The following KIAA1958 variants were observed in gnomAD, a reference collection of about 807,000 sequenced individuals.
KIAA1958 encodes the protein uncharacterized protein KIAA1958.
KIAA1958 carries 14 observed loss-of-function variants against 47.2 expected under a neutral mutation model. The observed-to-expected ratio is 0.30, with a 90% CI of 0.20 to 0.46. The LOEUF (loss-of-function observed/expected upper bound fraction) is 0.46, where lower values mean the gene tolerates loss of function less well. Among genes scored for constraint, KIAA1958 ranks in the 20% least tolerant of loss-of-function variants. The pLI is 1.00. For synonymous variants in KIAA1958, 354 were observed against 353.3 expected (o/e 1.00, Z -0.02); for missense variants, 803 against 909.2 (o/e 0.88, Z 1.50).
At chr9:112,612,538 A>G (rs1836343865) in intron 2 of KIAA1958, among the ~76,000 whole-genome samples, 1 of 152,042 alleles carries the variant, frequency 6.6e-6, no homozygotes, top group African/African-American at 2.4e-5. Flanking sequence ...AAATGAGAAA[A>G]TACAGATAAC....
At chr9:112,560,164 C>T (rs186575291) in intron 1 of KIAA1958, among the ~76,000 whole-genome samples, 1 of 148,608 alleles carries the variant, frequency 6.7e-6, no homozygotes, top group East Asian at 2.0e-4. Context: ...CTGGCCTGCA[C>T]TGATATTTTT....
At position 112,560,334 on chromosome 9, in the gene KIAA1958, A is replaced by G. The variant is rs145469397; in HGVS notation, c.-24-13723A>G. On this transcript the variant is annotated intron_variant, in intron 1 of 3. Coordinates refer to ENST00000337530, the MANE Select transcript of KIAA1958 (RefSeq NM_133465.4). ...TCCTCCCTCAGCCTCTCGAGTAGCT[A>G]GGACTACAGGTTCATGCCACTGCCT... 4.5e-3 allele frequency among the ~76,000 whole-genome samples: 683 copies of G among 151,336 alleles called. 2 individuals carry two copies. The highest frequency in any genetic ancestry group is 8.3e-3 in the Admixed American group (126 of 15,162).
At chr9:112,534,596 T>TGTG in intron 1 of KIAA1958, among the ~76,000 whole-genome samples, 1 of 151,884 alleles carries the variant, frequency 6.6e-6, no homozygotes, top group East Asian at 1.9e-4. Flanking sequence ...CAGGTTGGAG[T>TGTG]GTGGTGGCAT....
chr9:112,630,074 T>C (rs1836682123), intron 2 of KIAA1958, among the ~76,000 whole-genome samples: 1 of 152,214 alleles, frequency 6.6e-6, no homozygotes, highest in Non-Finnish European at 1.5e-5. Context: ...GCAGTGTTTC[T>C]CACCACTGAA....
intron 1 of KIAA1958, among the ~76,000 whole-genome samples, chr9:112,492,489 C>T (rs193178575): frequency 3.3e-5 from 5 of 152,302 alleles, no homozygotes; most frequent in Admixed American, 3.3e-4. Flanking sequence ...GAATACAGTT[C>T]AGCCTATAAC....
chr9:112,503,616 CA>C lies in KIAA1958; in HGVS notation c.-25+16518del, dbSNP rs762669967. Among the ~76,000 whole-genome samples the C allele has an allele frequency of 7.1e-3, 756 of 106,372 alleles. 5 individuals are homozygous for C. The highest frequency in any genetic ancestry group is 0.025 in the African/African-American group (689 of 27,756). The allele number at this position is 106,372 out of a possible 152,430, so 69.8% of individuals were successfully genotyped here. On this transcript the variant is annotated intron_variant, in intron 1 of 3. Coordinates refer to ENST00000337530, the MANE Select transcript of KIAA1958 (RefSeq NM_133465.4). ...TGGGCAACAGAGCGAGACCCTGTCTCAAAAAAAAAAAAAAAAAAAAGGTCAA... is the reference window on the plus strand; with the variant it reads ...TGGGCAACAGAGCGAGACCCTGTCTCAAAAAAAAAAAAAAAAAAAGGTCAA...
chr9:112,533,580 CAAAAAAAAAA>C (rs57032014), intron 1 of KIAA1958, among the ~76,000 whole-genome samples: 8 of 125,388 alleles, frequency 6.4e-5, no homozygotes, highest in East Asian at 2.3e-4. Flanking sequence ...GACTCCATCC[CAAAAAAAAAA>C]AAAAAAAAAA....
chr9:112,539,798 C>G (rs1834911197), intron 1 of KIAA1958, among the ~76,000 whole-genome samples: 1 of 152,074 alleles, frequency 6.6e-6, no homozygotes, highest in African/African-American at 2.4e-5. Flanking sequence ...TCAAGTGATT[C>G]TCCTGCCTCA....
At chr9:112,554,916 T>A (rs1283972747) in intron 1 of KIAA1958, among the ~76,000 whole-genome samples, 1 of 151,810 alleles carries the variant, frequency 6.6e-6, no homozygotes, top group South Asian at 2.1e-4. Flanking sequence ...CCAAATGAAA[T>A]GACAACTAAG....
chr9:112,524,753 T>A (rs1316036526), intron 1 of KIAA1958, among the ~76,000 whole-genome samples: 2 of 152,226 alleles, frequency 1.3e-5, no homozygotes, highest in Admixed American at 1.3e-4. Flanking sequence ...TATTTAATTT[T>A]AATTATTTTA....
chr9:112,627,967 C>T (rs547134051), intron 2 of KIAA1958, among the ~76,000 whole-genome samples: 120 of 152,186 alleles, frequency 7.9e-4, no homozygotes, highest in African/African-American at 2.8e-3. Context: ...TCCAAACAAA[C>T]TGAAAGTAAA....
intron 1 of KIAA1958, among the ~76,000 whole-genome samples, chr9:112,523,728 A>T (rs1023709528): frequency 6.6e-6 from 1 of 152,230 alleles, no homozygotes; most frequent in Non-Finnish European, 1.5e-5. Context: ...TAGAGAATAT[A>T]CATAATATGC....
At position 112,659,837 on chromosome 9, in the gene KIAA1958, A is replaced by C. The variant is rs1164682551; in HGVS notation, c.1919A>C (p.His640Pro). The change falls in exon 4 of 4, where the codon CAC (histidine) becomes CCC (proline). Residue 640 changes from histidine (H) to proline (P), a missense_variant. Coordinates refer to ENST00000337530, the MANE Select transcript of KIAA1958 (RefSeq NM_133465.4). The stretch of plus-strand genomic sequence containing the variant: ...CTCCTCTACAAGTACATGTACATCC[A>C]CCGGCCGCCCACCCAAATGGAGGCC... ...YCLLYKYMYI[H>P]RPPTQMEAKS... 1.9e-6 allele frequency: 3 copies of C among 1,614,054 alleles called. No individual in the cohort carries two copies. The highest frequency in any genetic ancestry group is 2.5e-6 in the Non-Finnish European group (3 of 1,179,990).
At chr9:112,636,566 C>T (rs1373997297) in intron 2 of KIAA1958, among the ~76,000 whole-genome samples, 1 of 152,064 alleles carries the variant, frequency 6.6e-6, no homozygotes, top group Admixed American at 6.6e-5. Context: ...GTTATCAGAT[C>T]CATACAAAAA....
intron 1 of KIAA1958, among the ~76,000 whole-genome samples, chr9:112,523,118 G>A (rs1223429355): frequency 6.6e-6 from 1 of 152,134 alleles, no homozygotes; most frequent in African/African-American, 2.4e-5. Context: ...TGGATTTCTT[G>A]TTTGCACTTA....
chr9:112,533,373 G>A (rs755028479), intron 1 of KIAA1958, among the ~76,000 whole-genome samples: 3 of 151,042 alleles, frequency 2.0e-5, no homozygotes, highest in African/African-American at 2.4e-5. Flanking sequence ...TCAGGAGATC[G>A]AGACCACCCT....
chr9:112,598,343 A>G (rs1192808922), intron 2 of KIAA1958, among the ~76,000 whole-genome samples: 1 of 152,238 alleles, frequency 6.6e-6, no homozygotes, highest in African/African-American at 2.4e-5. Flanking sequence ...TGAGGTGACC[A>G]GAGCCTTGTG....
chr9:112,538,839 T>G (rs1834896178), intron 1 of KIAA1958, among the ~76,000 whole-genome samples: 1 of 152,224 alleles, frequency 6.6e-6, no homozygotes, highest in Non-Finnish European at 1.5e-5. Flanking sequence ...CTCTTCTAAG[T>G]GTTTTACAGT....
Position 112,660,385 on chromosome 9 carries a change from C to A in KIAA1958, c.*316C>A. On this transcript the variant is annotated 3_prime_UTR_variant, in exon 4 of 4. Transcript: ENST00000337530. ...AGTGCCTTTCTAGCACAGGTTTTCT[C>A]AAAACAAACAAACAAAAAAGGAAAC... is the stretch of plus-strand genomic sequence containing the variant. 1 of 296,860 alleles carries A rather than the reference C, an allele frequency of 3.4e-6. No homozygotes were observed. The highest frequency in any genetic ancestry group is 6.3e-6 in the Non-Finnish European group (1 of 159,282). 18.4% of individuals were successfully genotyped at this position (296,860 alleles called of 1,614,324 possible). A position where few individuals can be genotyped will look rare whatever the true frequency, so the allele number is the denominator to read the frequency against.
Sources: gnomAD v4.1 joint callset for allele counts (sites outside exome capture counted in the v4.1 genomes callset) on GRCh38, gnomAD v4.1.1 for gene constraint, MANE v1.5 for transcripts, NCBI Gene and HGNC (gene_info 2026-07-23, HGNC 2026-07-21) for gene names.